VAV3: variants seen among roughly 807,000 people sequenced by gnomAD.
VAV3 encodes the protein guanine nucleotide exchange factor VAV3.
A neutral mutation model predicts 131.2 loss-of-function variants in VAV3; 94 were observed. The ratio of observed to expected loss-of-function variants is 0.72; its 90% confidence interval spans 0.61 to 0.85. VAV3 has a LOEUF of 0.85. Among genes scored for constraint, VAV3 ranks in the 40% least tolerant of loss-of-function variants. VAV3 has a pLI of 0.00. For missense variants in VAV3, 939 were observed against 1,002.7 expected (o/e 0.94, Z 0.86); for synonymous variants, 349 against 342.0 (o/e 1.02, Z -0.22).
chr1:107,617,036 T>C (rs1195530399), intron 21 of VAV3, among the ~76,000 whole-genome samples: 1 of 152,174 alleles, frequency 6.6e-6, no homozygotes, highest in Non-Finnish European at 1.5e-5. Context: ...TGAGGAAATG[T>C]TCATTTATTC....
chr1:107,954,125 T>C (rs1311762120), intron 1 of VAV3, among the ~76,000 whole-genome samples: 1 of 152,220 alleles, frequency 6.6e-6, no homozygotes, highest in Non-Finnish European at 1.5e-5. Context: ...GAAGGGTCTA[T>C]GTTAACAGAG....
intron 3 of VAV3, among the ~76,000 whole-genome samples, chr1:107,778,695 A>G (rs1224039759): frequency 6.6e-6 from 1 of 152,194 alleles, no homozygotes; most frequent in African/African-American, 2.4e-5. Context: ...ATGGCCAGAG[A>G]CAGAAATATG....
In VAV3 at chr1:107,964,725, T is replaced by G. The variant is rs753063166; in HGVS notation, c.145A>C (p.Asn49His). ...DGVLLCQLLN[N>H]LRAHSINLKE... ...AGGTTGATGGAGTGCGCCCGGAGGT[T>G]GTTAAGCAGCTGGCAGAGCAGGACT... The change falls in exon 1 of 27, where the codon AAC becomes CAC. Residue 49 changes from asparagine (N) to histidine (H), a missense_variant. Coordinates refer to ENST00000370056, the MANE Select transcript of VAV3 (RefSeq NM_006113.5). The G allele has an allele frequency of 1.2e-5, 20 of 1,614,046 alleles. No individual in the cohort carries two copies. The highest frequency in any genetic ancestry group is 1.6e-4 in the Middle Eastern group (1 of 6,062).
intron 2 of VAV3, among the ~76,000 whole-genome samples, chr1:107,841,867 A>G (rs922007180): frequency 6.6e-6 from 1 of 152,190 alleles, no homozygotes; most frequent in African/African-American, 2.4e-5. Context: ...TATTGATTAC[A>G]TGTTTAAATG....
chr1:107,594,689 C>A (rs1651232651), intron 25 of VAV3, among the ~76,000 whole-genome samples: 1 of 152,036 alleles, frequency 6.6e-6, no homozygotes, highest in Non-Finnish European at 1.5e-5. Flanking sequence ...AGTTAGACAA[C>A]TTCATTCATT....
chr1:107,662,796 C>A (rs762931363), intron 19 of VAV3, among the ~76,000 whole-genome samples: 18 of 152,304 alleles, frequency 1.2e-4, no homozygotes, highest in Non-Finnish European at 2.4e-4. Flanking sequence ...GAATAAGGGG[C>A]AAAGCAATGA....
At chr1:107,760,201 G>A (rs1326460184) in intron 10 of VAV3, among the ~76,000 whole-genome samples, 2 of 152,132 alleles carry the variant, frequency 1.3e-5, no homozygotes, top group Non-Finnish European at 2.9e-5. Context: ...ACATTTCTTT[G>A]GAGCAGAACT....
At chr1:107,645,908 C>T (rs575442999) in intron 19 of VAV3, among the ~76,000 whole-genome samples, 1 of 152,136 alleles carries the variant, frequency 6.6e-6, no homozygotes, top group South Asian at 2.1e-4. Context: ...ACCACACATC[C>T]CCATGACAAC....
In VAV3 at chr1:107,705,001, G is replaced by T; in HGVS notation, c.1563C>A (p.Phe521Leu). Residue 521 changes from phenylalanine to leucine, a missense_variant, in exon 16 of 27, where the codon TTC becomes TTA. Coordinates refer to ENST00000370056, the MANE Select transcript of VAV3 (RefSeq NM_006113.5). The stretch of plus-strand genomic sequence containing the variant: ...AGACTTTGCAGGATGTGACTCGAGT[G>T]AAGGTATGCATCTTGAAGTCGTGGA... ...SNFHDFKMHT[F>L]TRVTSCKVCQ... is the part of the protein sequence containing the mutation. 1 of 1,613,962 alleles carries T rather than the reference G, an allele frequency of 6.2e-7. No individual in the cohort carries two copies. Among genetic ancestry groups the T allele is most frequent in the Non-Finnish European group, 8.5e-7 (1 of 1,179,938 alleles).
At chr1:107,756,763 T>C (rs1237025753) in intron 11 of VAV3, among the ~76,000 whole-genome samples, 1 of 152,124 alleles carries the variant, frequency 6.6e-6, no homozygotes, top group Non-Finnish European at 1.5e-5. Flanking sequence ...AATTCACTTG[T>C]ATGAAGCCAT....
intron 17 of VAV3, 24 bp from the exon 18 acceptor site, chr1:107,688,430 AT>A (rs757854352): frequency 6.2e-7 from 1 of 1,613,342 alleles, no homozygotes; most frequent in Non-Finnish European, 8.5e-7. Flanking sequence ...AAAAATTGGC[AT>A]TGTCAGTGTA....
chr1:107,719,122 A>G (rs989017141), intron 15 of VAV3, among the ~76,000 whole-genome samples: 1 of 152,250 alleles, frequency 6.6e-6, no homozygotes, highest in Non-Finnish European at 1.5e-5. Flanking sequence ...AAACCTAGGC[A>G]ATACCATTCA....
intron 19 of VAV3, among the ~76,000 whole-genome samples, chr1:107,678,389 T>C (rs1166828946): frequency 1.3e-5 from 2 of 152,200 alleles, no homozygotes; most frequent in Non-Finnish European, 2.9e-5. Context: ...TTCTAATCTA[T>C]AGAAACTTTA....
chr1:107,867,043 A>C (rs12068854), intron 2 of VAV3, among the ~76,000 whole-genome samples: 13,732 of 152,152 alleles, frequency 0.09, 719 homozygotes, highest in South Asian at 0.17. Flanking sequence ...ATTCTGGAGT[A>C]AACAAAAGTT....
At chr1:107,708,955 C>A (rs146300709) in intron 15 of VAV3, among the ~76,000 whole-genome samples, 49 of 151,870 alleles carry the variant, frequency 3.2e-4, no homozygotes, top group African/African-American at 1.2e-3. Context: ...CACACATACC[C>A]CCCCACACAC....
At chr1:107,717,432 G>A (rs1052282005) in intron 15 of VAV3, among the ~76,000 whole-genome samples, 14 of 152,280 alleles carry the variant, frequency 9.2e-5, no homozygotes, top group Admixed American at 2.0e-4. Flanking sequence ...ATTCTGGTAC[G>A]TTGTGTCTTT....
At chr1:107,803,631 C>T (rs1666926990) in intron 2 of VAV3, among the ~76,000 whole-genome samples, 1 of 151,958 alleles carries the variant, frequency 6.6e-6, no homozygotes, top group Non-Finnish European at 1.5e-5. Context: ...ATATATTGCT[C>T]TTTTAAATTT....
intron 1 of VAV3, among the ~76,000 whole-genome samples, chr1:107,922,849 G>A (rs942609638): frequency 5.9e-5 from 9 of 151,956 alleles, no homozygotes; most frequent in African/African-American, 2.2e-4. Flanking sequence ...CTACTCGGGA[G>A]GCTGAGGCGG....
chr1:107,808,518 T>A (rs565485527), intron 2 of VAV3, among the ~76,000 whole-genome samples: 1 of 152,286 alleles, frequency 6.6e-6, no homozygotes, highest in South Asian at 2.1e-4. Flanking sequence ...AACTAACAAA[T>A]GATCTATTAT....
Sources: allele counts gnomAD v4.1 joint callset (sites outside exome capture counted in the v4.1 genomes callset), GRCh38; gene constraint gnomAD v4.1.1; transcripts MANE v1.5; gene names NCBI Gene and HGNC (gene_info 2026-07-23, HGNC 2026-07-21).